The following NALF2 variants were observed in gnomAD, a reference collection of about 807,000 sequenced individuals.
NALF2 encodes NALCN channel auxiliary factor 2, also known as bB57D9.1 (TED protein).
NALF2 carries 1 observed loss-of-function variant against 24.8 expected under a neutral mutation model. The observed-to-expected ratio is 0.04, with a 90% CI of 0.01 to 0.19. NALF2 has a LOEUF of 0.19. Among genes scored for constraint, NALF2 ranks in the 10% least tolerant of loss-of-function variants. The pLI, the probability that NALF2 is intolerant of heterozygous loss-of-function variation, is 1.00. For missense variants in NALF2, 458 were observed against 409.6 expected (o/e 1.12, Z -1.02); for synonymous variants, 254 against 189.8 (o/e 1.34, Z -2.78).
intron 1 of NALF2, among the ~76,000 whole-genome samples, chrX:69,514,115 G>A (rs149628609): frequency 7.5e-4 from 82 of 109,857 alleles, no homozygotes; most frequent in African/African-American, 2.6e-3. Context: ...ACTTGAACCT[G>A]GGAGGTGGAG....
At chrX:69,515,206 G>T (rs1215962892) in intron 1 of NALF2, among the ~76,000 whole-genome samples, 1 of 111,862 alleles carries the variant, frequency 8.9e-6, no homozygotes, top group Non-Finnish European at 1.9e-5. Flanking sequence ...AAACATTAAT[G>T]TTCCTCCTAT....
In NALF2 at chrX:69,529,920, G is replaced by A; in HGVS notation, c.1383G>A (p.Leu461=). 9.1e-6 allele frequency: 11 copies of A among 1,208,694 alleles called. No individual in the cohort carries two copies. The highest frequency in any genetic ancestry group is 4.6e-4 in the Middle Eastern group (2 of 4,341). The change falls in exon 3 of 3, where the codon CTG becomes CTA. Residue 461 remains leucine (L), a synonymous_variant. Transcript: ENST00000252338. ...QGGGGLGLET[L]PALEEGLTRE... ...GTGGGGGATTGGGGCTGGAGACACT[G>A]CCTGCCCTAGAGGAGGGCCTGACAC...
Position 69,530,129 on chromosome X carries a change from A to C in NALF2, c.*173A>C. 1 of 427,578 alleles carries C rather than the reference A, an allele frequency of 2.3e-6. No homozygotes were observed. Among genetic ancestry groups the C allele is most frequent in the Non-Finnish European group, 4.0e-6 (1 of 250,940 alleles). 35.2% of individuals were successfully genotyped at this position (427,578 alleles called of 1,213,427 possible). A position where few individuals can be genotyped will look rare whatever the true frequency, so the allele number is the denominator to read the frequency against. ...CCACCCCAAAAGCAGCTCCAACAGA[A>C]TGGCCAGAGGGCCTCAGGGAGCTGC... On this transcript the variant is annotated 3_prime_UTR_variant, in exon 3 of 3. Coordinates refer to ENST00000252338, the MANE Select transcript of NALF2 (RefSeq NM_015686.3).
rs760153603 is a variant in NALF2 at position 69,529,887 on chromosome X, C to A, written c.1350C>A (p.Asn450Lys). The stretch of plus-strand genomic sequence containing the variant: ...ATACCGTGGTGTCCTTCTCCAGCAA[C>A]CAGGGTGGTGGGGGATTGGGGCTGG... ...LLHTVVSFSSNQGGGGLGLET... is the reference protein window; with the variant it reads ...LLHTVVSFSSKQGGGGLGLET... The change falls in exon 3 of 3, where the codon AAC (asparagine) becomes AAA (lysine). Residue 450 changes from asparagine (N) to lysine (K), a missense_variant. Coordinates refer to ENST00000252338, the MANE Select transcript of NALF2 (RefSeq NM_015686.3). 8.3e-7 allele frequency: 1 copy of A among 1,209,536 alleles called. No individual in the cohort carries two copies. The highest frequency in any genetic ancestry group is 1.1e-6 in the Non-Finnish European group (1 of 895,028).
intron 1 of NALF2, among the ~76,000 whole-genome samples, chrX:69,511,331 C>T (rs1036256683): frequency 9.0e-6 from 1 of 111,128 alleles, no homozygotes; most frequent in Admixed American, 9.5e-5. Context: ...TCACTCACAC[C>T]CCACTCACAC....
chrX:69,529,836 C>G lies in NALF2; in HGVS notation c.1299C>G (p.Leu433=). The change falls in exon 3 of 3, where the codon CTC becomes CTG. Residue 433 remains leucine, a synonymous_variant. Transcript: ENST00000252338. ...GCCTCAGCCCTAGCAGGATCCGGCT[C>G]TGCGTCCTTGTTCTCATGCTCCTCC... is the stretch of plus-strand genomic sequence containing the variant. ...GSRLSPSRIR[L]CVLVLMLLHT... is the part of the protein sequence containing the mutation. 8.3e-7 allele frequency: 1 copy of G among 1,211,765 alleles called. No individual in the cohort carries two copies. The highest frequency in any genetic ancestry group is 1.1e-6 in the Non-Finnish European group (1 of 895,373).
At chrX:69,525,419 A>T (rs780343372) in intron 1 of NALF2, among the ~76,000 whole-genome samples, 128 of 111,630 alleles carry the variant, frequency 1.1e-3, no homozygotes, top group African/African-American at 4.1e-3. Flanking sequence ...GGCTCAAAAG[A>T]TGGAGGGAAG....
chrX:69,517,341 G>GTTA (rs991158947), intron 1 of NALF2, among the ~76,000 whole-genome samples: 1 of 111,315 alleles, frequency 9.0e-6, no homozygotes, highest in East Asian at 2.8e-4. Context: ...AGCCCCCATT[G>GTTA]TTATTATTAT....
At chrX:69,529,523 C>T (rs757731739) in intron 2 of NALF2, 48 bp from the exon 3 acceptor site, 7 of 1,166,801 alleles carry the variant, frequency 6.0e-6, no homozygotes, top group Non-Finnish European at 8.0e-6. Flanking sequence ...TAAGGCATAG[C>T]TATCAGCTCC....
intron 1 of NALF2, among the ~76,000 whole-genome samples, chrX:69,517,423 C>G (rs1930678089): frequency 8.9e-6 from 1 of 111,905 alleles, no homozygotes; most frequent in Non-Finnish European, 1.9e-5. Context: ...AAAGATCTGT[C>G]TCTACCTCAA....
At chrX:69,524,109 T>A (rs944558632) in intron 1 of NALF2, among the ~76,000 whole-genome samples, 3 of 108,558 alleles carry the variant, frequency 2.8e-5, no homozygotes, top group Non-Finnish European at 5.8e-5. Flanking sequence ...TCTTTTTTTT[T>A]TTTTTTTAGA....
chrX:69,506,756 T>G (rs138930102), intron 1 of NALF2, among the ~76,000 whole-genome samples: 170 of 112,470 alleles, frequency 1.5e-3, no homozygotes, highest in African/African-American at 5.4e-3. Flanking sequence ...CAGGCTCTTC[T>G]CCCCTGACAA....
chrX:69,530,769 A>T lies in NALF2; in HGVS notation c.*813A>T, dbSNP rs1324823929. ...TCCCCAAATCAGTGAGAATTGCATT[A>T]GGAGCCCTCTGGGGAAAGAGCACAG... On this transcript the variant is annotated 3_prime_UTR_variant, in exon 3 of 3. Transcript: ENST00000252338. 2 of 112,620 alleles carry T rather than the reference A, an allele frequency of 1.8e-5. No individual in the cohort carries two copies. The highest frequency in any genetic ancestry group is 3.8e-5 in the Non-Finnish European group (2 of 53,197). The allele number at this position is 112,620 out of a possible 1,213,427, so 9.3% of individuals were successfully genotyped here. A position where few individuals can be genotyped will look rare whatever the true frequency, so the allele number is the denominator to read the frequency against.
chrX:69,521,224 C>G (rs1017919916), intron 1 of NALF2, among the ~76,000 whole-genome samples: 1 of 111,710 alleles, frequency 9.0e-6, no homozygotes, highest in African/African-American at 3.3e-5. Flanking sequence ...TTCACACTTC[C>G]AGGCCTTTAT....
At position 69,530,091 on chromosome X, in the gene NALF2, C is replaced by A; in HGVS notation, c.*135C>A. 4.2e-6 allele frequency: 2 copies of A among 474,477 alleles called. No homozygotes were observed. The highest frequency in any genetic ancestry group is 6.9e-6 in the Non-Finnish European group (2 of 290,037). The allele number at this position is 474,477 out of a possible 1,213,427, so 39.1% of individuals were successfully genotyped here. A position where few individuals can be genotyped will look rare whatever the true frequency, so the allele number is the denominator to read the frequency against. ...GGGAAATGGGGGAATGACACATCCC[C>A]CCCAACCTACCCCCACCCCAAAAGC... On this transcript the variant is annotated 3_prime_UTR_variant, in exon 3 of 3. Transcript: ENST00000252338.
At chrX:69,527,729 G>T (rs936299823) in intron 1 of NALF2, among the ~76,000 whole-genome samples, 1 of 112,011 alleles carries the variant, frequency 8.9e-6, no homozygotes, top group African/African-American at 3.3e-5. Context: ...GGATGTGGGT[G>T]GCAAGACAGG....
chrX:69,530,190 G>T lies in NALF2; in HGVS notation c.*234G>T, dbSNP rs1930882581. 1.7e-5 allele frequency: 6 copies of T among 363,392 alleles called. No homozygotes were observed. The South Asian group carries it at 3.5e-4, about 21-fold the overall frequency. 29.9% of individuals were successfully genotyped at this position (363,392 alleles called of 1,213,427 possible). A position where few individuals can be genotyped will look rare whatever the true frequency, so the allele number is the denominator to read the frequency against. ...CAGGAGAAAAAGGCAGGAGCAGCAAGTGACCCCTCCCAAGCTCCCATCTAT... is the reference window on the plus strand; with the variant it reads ...CAGGAGAAAAAGGCAGGAGCAGCAATTGACCCCTCCCAAGCTCCCATCTAT... On this transcript the variant is annotated 3_prime_UTR_variant, in exon 3 of 3. Coordinates refer to ENST00000252338, the MANE Select transcript of NALF2 (RefSeq NM_015686.3).
Position 69,529,760 on chromosome X carries a change from C to G in NALF2, c.1223C>G (p.Pro408Arg). ...CACTACCACCCCCATCATGATCCCC[C>G]AGGCCGTGTCAGCAACAAGCCCGCC... ...YHHYHPHHDP[P>R]GRVSNKPALL... The change falls in exon 3 of 3, where the codon CCA becomes CGA. Residue 408 changes from proline to arginine, a missense_variant. Coordinates refer to ENST00000252338, the MANE Select transcript of NALF2 (RefSeq NM_015686.3). 1.7e-6 allele frequency: 2 copies of G among 1,211,405 alleles called. No homozygotes were observed. The highest frequency in any genetic ancestry group is 2.2e-6 in the Non-Finnish European group (2 of 895,281).
At chrX:69,524,023 A>C (rs1930770324) in intron 1 of NALF2, among the ~76,000 whole-genome samples, 1 of 110,640 alleles carries the variant, frequency 9.0e-6, no homozygotes, top group Non-Finnish European at 1.9e-5. Context: ...AAAACTACAG[A>C]TGTGTAGGCT....
Sources: gnomAD v4.1 joint callset for allele counts (sites outside exome capture counted in the v4.1 genomes callset) on GRCh38, gnomAD v4.1.1 for gene constraint, MANE v1.5 for transcripts, NCBI Gene and HGNC (gene_info 2026-07-23, HGNC 2026-07-21) for gene names.